The following SLC24A2 variants were observed in gnomAD, a reference collection of about 807,000 sequenced individuals.
SLC24A2 encodes solute carrier family 24 member 2, also known as sodium/potassium/calcium exchanger 2.
In SLC24A2, 36 loss-of-function variants were observed where a neutral mutation model predicts 62.0. The ratio of observed to expected loss-of-function variants is 0.58; its 90% CI spans 0.44 to 0.77. The LOEUF is 0.77. Among genes scored for constraint, SLC24A2 ranks in the 30% least tolerant of loss-of-function variants. The pLI is 0.00. For synonymous variants in SLC24A2, 358 were observed against 294.0 expected, an observed-to-expected ratio of 1.22 and a Z score of -2.23; for missense variants, 846 against 817.9, an observed-to-expected ratio of 1.03 and a Z score of -0.42.
At chr9:19,528,960 A>C (rs1268859280) in intron 8 of SLC24A2, among the ~76,000 whole-genome samples, 1 of 152,182 alleles carries the variant, frequency 6.6e-6, no homozygotes, top group Non-Finnish European at 1.5e-5. Flanking sequence ...ATAGCCAAAA[A>C]ATCAGACACT....
At chr9:20,166,750 T>C in the SLC24A2 span, among the ~76,000 whole-genome samples, 1 of 152,008 alleles carries the variant, frequency 6.6e-6, no homozygotes, top group Non-Finnish European at 1.5e-5. Flanking sequence ...GTTTTGACTT[T>C]TGAAATGTGT....
At chr9:19,842,364 A>G in the SLC24A2 span, among the ~76,000 whole-genome samples, 3 of 152,250 alleles carry the variant, frequency 2.0e-5, no homozygotes, top group Non-Finnish European at 2.9e-5. Context: ...ACTGAAAGGT[A>G]GAATGGCTTA....
chr9:19,712,875 A>G (rs1353677295), intron 2 of SLC24A2, among the ~76,000 whole-genome samples: 1 of 152,142 alleles, frequency 6.6e-6, no homozygotes, highest in African/African-American at 2.4e-5. Context: ...ACCAGATGCC[A>G]GTACCATACT....
chr9:20,204,053 C>G, the SLC24A2 span, among the ~76,000 whole-genome samples: 1 of 152,102 alleles, frequency 6.6e-6, no homozygotes, highest in Admixed American at 6.5e-5. Context: ...ATTAAAAACA[C>G]ATTCAGAGTT....
chr9:20,015,803 T>A, the SLC24A2 span, among the ~76,000 whole-genome samples: 3 of 152,216 alleles, frequency 2.0e-5, no homozygotes, highest in Non-Finnish European at 4.4e-5. Flanking sequence ...GGATCTTTTT[T>A]AAATGTGGGC....
At chr9:19,961,327 G>T in the SLC24A2 span, among the ~76,000 whole-genome samples, 1 of 152,148 alleles carries the variant, frequency 6.6e-6, no homozygotes, top group Non-Finnish European at 1.5e-5. Flanking sequence ...AATATTTTTA[G>T]TAAAGAAAGG....
chr9:19,599,074 C>T lies in SLC24A2; in HGVS notation c.1079-1795G>A, dbSNP rs1468916071. ...ATGGATCCATTTTTGTAGACGCAAA[C>T]CTCTGTATGCACACACTTATTTTCA... On this transcript the variant is annotated intron_variant, in intron 4 of 10. Coordinates refer to ENST00000341998, the MANE Select transcript of SLC24A2 (RefSeq NM_020344.4). The surrounding 1 kb of genome is among the most constrained non-coding windows in gnomAD (Gnocchi z 4.5). Among the ~76,000 whole-genome samples, 5 of 152,218 alleles carry T rather than the reference C, an allele frequency of 3.3e-5. No individual in the cohort carries two copies. The highest frequency in any genetic ancestry group is 7.3e-5 in the Non-Finnish European group (5 of 68,050).
the SLC24A2 span, among the ~76,000 whole-genome samples, chr9:19,900,375 CAG>C: frequency 6.6e-6 from 1 of 152,178 alleles, no homozygotes; most frequent in Non-Finnish European, 1.5e-5. Flanking sequence ...CAAAGCCTGA[CAG>C]ATATCTACTA....
chr9:20,169,866 G>A, the SLC24A2 span, among the ~76,000 whole-genome samples: 3 of 152,006 alleles, frequency 2.0e-5, no homozygotes, highest in African/African-American at 4.8e-5. Context: ...AATTCAGAAG[G>A]TCAGTTATTA....
Position 19,786,219 on chromosome 9 carries a change from G to C in SLC24A2, c.648C>G (p.Ile216Met). 1 of 1,613,976 alleles carries C rather than the reference G, an allele frequency of 6.2e-7. No homozygotes were observed. Among genetic ancestry groups the C allele is most frequent in the Non-Finnish European group, 8.5e-7 (1 of 1,180,020 alleles). The change falls in exon 2 of 11, where the codon ATC becomes ATG. Residue 216 changes from isoleucine (I) to methionine (M), a missense_variant. Coordinates refer to ENST00000341998, the MANE Select transcript of SLC24A2 (RefSeq NM_020344.4). The surrounding 1 kb of genome is among the most constrained non-coding windows in gnomAD (Gnocchi z 5.0). ...GTIVGSAVFN[I>M]LFVIGMCALF... The stretch of plus-strand genomic sequence containing the variant: ...GAGCACACATGCCAATAACAAAGAG[G>C]ATGTTGAATACTGCTGAACCTACAA...
At chr9:19,891,840 A>G in the SLC24A2 span, among the ~76,000 whole-genome samples, 2 of 152,204 alleles carry the variant, frequency 1.3e-5, no homozygotes, top group Non-Finnish European at 2.9e-5. Flanking sequence ...GGATGGCACT[A>G]AACCATGCAT....
At chr9:19,943,310 G>T in the SLC24A2 span, among the ~76,000 whole-genome samples, 1 of 151,904 alleles carries the variant, frequency 6.6e-6, no homozygotes, top group African/African-American at 2.4e-5. Flanking sequence ...ATTAAACCTG[G>T]GCTTTCATGT....
chr9:20,272,600 A>G, the SLC24A2 span, among the ~76,000 whole-genome samples: 1 of 152,236 alleles, frequency 6.6e-6, no homozygotes, highest in African/African-American at 2.4e-5. Flanking sequence ...CTAAAACTCC[A>G]TATTCTGTAG....
the SLC24A2 span, among the ~76,000 whole-genome samples, chr9:20,033,247 A>T: frequency 6.6e-6 from 1 of 152,184 alleles, no homozygotes; most frequent in East Asian, 1.9e-4. Flanking sequence ...ACAGCATTAG[A>T]TTCAGACAGA....
chr9:20,264,402 G>A, the SLC24A2 span, among the ~76,000 whole-genome samples: 1 of 152,220 alleles, frequency 6.6e-6, no homozygotes, highest in East Asian at 1.9e-4. Context: ...CAGGACAGCT[G>A]CCCCTGCTTC....
intron 4 of SLC24A2, among the ~76,000 whole-genome samples, chr9:19,611,115 T>G (rs1033908668): frequency 6.6e-6 from 1 of 152,054 alleles, no homozygotes; most frequent in Non-Finnish European, 1.5e-5. Flanking sequence ...TCTGATCAGG[T>G]GACATGTGAA....
chr9:19,888,472 C>G, the SLC24A2 span, among the ~76,000 whole-genome samples: 1 of 152,174 alleles, frequency 6.6e-6, no homozygotes, highest in African/African-American at 2.4e-5. Context: ...CCCCCAACCT[C>G]ATGTGTAATG....
the SLC24A2 span, among the ~76,000 whole-genome samples, chr9:19,889,005 C>T: frequency 1.2e-4 from 18 of 152,262 alleles, no homozygotes; most frequent in African/African-American, 3.1e-4. Flanking sequence ...CCCTGGCTCA[C>T]GAGTCAGAGA....
At chr9:20,110,812 C>A in the SLC24A2 span, among the ~76,000 whole-genome samples, 1 of 152,104 alleles carries the variant, frequency 6.6e-6, no homozygotes. Context: ...TGGTTTTGAA[C>A]AAGATTTATG....
Sources: gnomAD v4.1 joint callset for allele counts (sites outside exome capture counted in the v4.1 genomes callset) on GRCh38, gnomAD v4.1.1 for gene constraint, Gnocchi (gnomAD v3.1) non-coding constraint, MANE v1.5 for transcripts, NCBI Gene and HGNC (gene_info 2026-07-23, HGNC 2026-07-21) for gene names.